The following ABCC8 variants were observed in gnomAD, a reference collection of about 807,000 sequenced individuals.
ABCC8 encodes ATP binding cassette subfamily C member 8.
In ABCC8, 137 loss-of-function variants were observed where a neutral mutation model predicts 188.0. The ratio of observed to expected loss-of-function variants is 0.73; its 90% CI spans 0.63 to 0.84. The LOEUF is 0.84. ABCC8 is among the 40% of genes least tolerant of loss of function. The pLI, the probability that ABCC8 is intolerant of heterozygous loss-of-function variation, is 0.00. For synonymous variants in ABCC8, 797 were observed against 846.5 expected, an observed-to-expected ratio of 0.94 and a Z score of 1.01; for missense variants, 1,750 against 2,072.7, an observed-to-expected ratio of 0.84 and a Z score of 3.02.
chr11:17,400,064 AACT>A (rs1954157148), intron 29 of ABCC8, among the ~76,000 whole-genome samples: 1 of 152,242 alleles, frequency 6.6e-6, no homozygotes. Flanking sequence ...GATAGGACCA[AACT>A]CAGGGGACAC....
rs555262872 is a variant in ABCC8 at position 17,396,758 on chromosome 11, G to A, written c.4119+158C>T. ...GGCAATAGAAGGAGAGGAAAGATGG[G>A]CCCCCACAGGCCCAGGGCAGGAGAC... On this transcript the variant is annotated intron_variant, in intron 33 of 38. Coordinates refer to ENST00000389817, the MANE Select transcript of ABCC8 (RefSeq NM_000352.6). 5.7e-4 allele frequency: 509 copies of A among 898,648 alleles called. 8 individuals are homozygous for A. In the South Asian group the frequency reaches 8.0e-3, roughly 14 times the overall value. 55.7% of individuals were successfully genotyped at this position (898,648 alleles called of 1,614,324 possible). A position where few individuals can be genotyped will look rare whatever the true frequency, so the allele number is the denominator to read the frequency against.
intron 16 of ABCC8, among the ~76,000 whole-genome samples, chr11:17,423,667 G>A (rs534640681): frequency 6.6e-6 from 1 of 152,354 alleles, no homozygotes; most frequent in South Asian, 2.1e-4. Flanking sequence ...AGAGCTGGGA[G>A]CTGGGGCCTA....
intron 8 of ABCC8, among the ~76,000 whole-genome samples, chr11:17,447,576 C>T (rs1203020346): frequency 6.6e-6 from 1 of 152,088 alleles, no homozygotes; most frequent in Non-Finnish European, 1.5e-5. Flanking sequence ...AAGGGGCGCA[C>T]CACCACATCT....
intron 4 of ABCC8, among the ~76,000 whole-genome samples, chr11:17,463,052 G>C (rs1413012479): frequency 6.6e-6 from 1 of 152,134 alleles, no homozygotes; most frequent in Non-Finnish European, 1.5e-5. Context: ...AAACAGAAAG[G>C]AAAACAAAAC....
intron 12 of ABCC8, chr11:17,429,883 A>G (rs1955766791): frequency 6.6e-6 from 1 of 152,218 alleles, no homozygotes; most frequent in Non-Finnish European, 1.5e-5. Flanking sequence ...GTTATGCCCC[A>G]TTCCATCTTT....
Position 17,397,001 on chromosome 11 carries a change from T to C in ABCC8, c.4034A>G (p.Gln1345Arg), listed in dbSNP as rs1953965956. Residue 1345 changes from glutamine to arginine, a missense_variant, in exon 33 of 39, where the codon CAG becomes CGG. By Grantham distance (43) the Gln-to-Arg change is conservative. Transcript: ENST00000389817. ...GTAGCGCACGCTCAGGTTCTGGATC[T>C]GGATCTTCCCTTGGTCTGGCCAGTT... ...PKNWPDQGKI[Q>R]IQNLSVRYDS... is the part of the protein sequence containing the mutation. The C allele has an allele frequency of 6.2e-7, 1 of 1,614,208 alleles. No individual in the cohort carries two copies. The highest frequency in any genetic ancestry group is 8.5e-7 in the Non-Finnish European group (1 of 1,180,026).
intron 29 of ABCC8, among the ~76,000 whole-genome samples, chr11:17,399,491 G>A (rs1003815580): frequency 3.3e-5 from 5 of 152,028 alleles, no homozygotes; most frequent in South Asian, 2.1e-4. Context: ...CCTTTTCCTG[G>A]AAGGCTTTTG....
rs1591743406 is a variant in ABCC8 at position 17,406,690 on chromosome 11, C to T, written c.3261G>A (p.Trp1087Ter). Residue 1087 changes from tryptophan to a stop codon, truncating the protein, a stop_gained, in exon 26 of 39, where the codon TGG becomes TGA. Coordinates refer to ENST00000389817, the MANE Select transcript of ABCC8 (RefSeq NM_000352.6). LOFTEE classifies it high-confidence loss of function. Reference sequence around the variant, plus strand: ...GTCTCTTGGCCACCTTCAGCCCTGTCCACTCCACAGTGACAGACGTGACGA... The same window carrying T: ...GTCTCTTGGCCACCTTCAGCCCTGTTCACTCCACAGTGACAGACGTGACGA... ...LCLVTSVTVE[W>*]TGLKVAKRLH... The T allele has an allele frequency of 1.9e-6, 3 of 1,614,242 alleles. No individual in the cohort carries two copies. The highest frequency in any genetic ancestry group is 1.7e-6 in the Non-Finnish European group (2 of 1,180,040).
chr11:17,423,398 T>C (rs1955440626), intron 16 of ABCC8, among the ~76,000 whole-genome samples: 1 of 145,912 alleles, frequency 6.9e-6, no homozygotes, highest in South Asian at 2.2e-4. Flanking sequence ...CACGTCTTAG[T>C]CACCTTTGCA....
intron 7 of ABCC8, among the ~76,000 whole-genome samples, chr11:17,450,203 A>G (rs1956706457): frequency 6.6e-6 from 1 of 151,728 alleles, no homozygotes; most frequent in Non-Finnish European, 1.5e-5. Flanking sequence ...TCCAAAAGAA[A>G]GAAAGAAAGG....
At chr11:17,405,419 G>C in intron 27 of ABCC8, 75 bp downstream of exon 27, 1 of 1,602,566 alleles carries the variant, frequency 6.2e-7, no homozygotes, top group Non-Finnish European at 8.5e-7. Context: ...GGGGAACCCA[G>C]CCTCAGACAG....
chr11:17,395,257 C>G lies in ABCC8; in HGVS notation c.4326G>C (p.Glu1442Asp), dbSNP rs1237313905. 3 of 1,595,178 alleles carry G rather than the reference C, an allele frequency of 1.9e-6. No individual in the cohort carries two copies. The highest frequency in any genetic ancestry group is 1.1e-5 in the South Asian group (1 of 87,916). ...SGTIRFNLDP[E>D]RKCSDSTLWE... ...ACAGTGTGCTATCTGAGCACTTCCT[C>G]TCAGGGTCCAGGTTAAATCTGGAAG... Residue 1442 changes from glutamate to aspartate, a missense_variant, in exon 36 of 39, where the codon GAG becomes GAC. By Grantham distance (45) the Glu-to-Asp change is conservative (BLOSUM62 2). Transcript: ENST00000389817.
At chr11:17,413,347 G>A in intron 20 of ABCC8, 47 bp downstream of exon 20, 1 of 1,612,244 alleles carries the variant, frequency 6.2e-7, no homozygotes, top group Non-Finnish European at 8.5e-7. Flanking sequence ...GGCATGGTAG[G>A]TTGGGGGTCC....
At chr11:17,408,709 T>C (rs1954657861) in intron 22 of ABCC8, 192 bp from the exon 23 acceptor site, 1 of 391,832 alleles carries the variant, frequency 2.6e-6, no homozygotes, top group African/African-American at 2.2e-5. Flanking sequence ...GACCTAGAGT[T>C]CGGTACATCT....
chr11:17,426,234 G>C (rs1050991760), intron 16 of ABCC8, among the ~76,000 whole-genome samples: 1 of 152,090 alleles, frequency 6.6e-6, no homozygotes, highest in Non-Finnish European at 1.5e-5. Flanking sequence ...TGGTATTTCT[G>C]GTTCTAGATC....
chr11:17,426,258 C>T (rs890818557), intron 16 of ABCC8, among the ~76,000 whole-genome samples: 4 of 152,256 alleles, frequency 2.6e-5, no homozygotes, highest in East Asian at 1.9e-4. Flanking sequence ...GAGGAATCAC[C>T]GCACTGTCTT....
intron 10 of ABCC8, among the ~76,000 whole-genome samples, chr11:17,440,791 G>T (rs565632931): frequency 2.6e-5 from 4 of 152,364 alleles, no homozygotes; most frequent in African/African-American, 9.6e-5. Context: ...TTCATGGCCA[G>T]CCCCATACTG....
Position 17,453,137 on chromosome 11 carries a change from G to C in ABCC8, c.1158C>G (p.Asn386Lys). The C allele has an allele frequency of 1.2e-6, 2 of 1,614,010 alleles. No individual in the cohort carries two copies. Among genetic ancestry groups the C allele is most frequent in the Non-Finnish European group, 1.7e-6 (2 of 1,179,924 alleles). The change falls in exon 7 of 39, where the codon AAC (asparagine) becomes AAG (lysine). Residue 386 changes from asparagine (N) to lysine (K), a missense_variant. Transcript: ENST00000389817. ...SYYVAIETGI[N>K]LRGAIQTKIY... ...CAAGTACCTGTATTGCTCCTCTCAAGTTAATTCCAGTTTCAATGGCCACAT... is the reference window on the plus strand; with the variant it reads ...CAAGTACCTGTATTGCTCCTCTCAACTTAATTCCAGTTTCAATGGCCACAT...
chr11:17,445,406 C>T (rs918952727), intron 8 of ABCC8, among the ~76,000 whole-genome samples: 2 of 152,152 alleles, frequency 1.3e-5, no homozygotes, highest in African/African-American at 4.8e-5. Context: ...GATGGCTGCA[C>T]AGCTCTGTGA....
Sources: allele counts gnomAD v4.1 joint callset (sites outside exome capture counted in the v4.1 genomes callset), GRCh38; gene constraint gnomAD v4.1.1; transcripts MANE v1.5; gene names NCBI Gene and HGNC (gene_info 2026-07-23, HGNC 2026-07-21).